Variants in MCHR2 observed in about 807,000 individuals in gnomAD.
The protein encoded by MCHR2 is melanin-concentrating hormone receptor 2.
A neutral mutation model predicts 24.8 loss-of-function variants in MCHR2; 15 were observed. The observed-to-expected ratio is 0.60, with a 90% CI of 0.40 to 0.93. The LOEUF (loss-of-function observed/expected upper bound fraction) is 0.93. MCHR2 is among the 40% of genes least tolerant of loss of function. The pLI is 0.00. For missense variants in MCHR2, 386 were observed against 408.7 expected, an observed-to-expected ratio of 0.94 and a Z score of 0.48; for synonymous variants, 151 against 147.6, an observed-to-expected ratio of 1.02 and a Z score of -0.17.
intron 4 of MCHR2, 41 bp from the exon 5 acceptor site, chr6:99,934,558 CA>C: frequency 2.0e-6 from 3 of 1,498,404 alleles, no homozygotes; most frequent in Non-Finnish European, 2.7e-6. Flanking sequence ...GAAAGAACAA[CA>C]CCATTACATT....
At chr6:99,941,897 T>G (rs1251624425) in intron 4 of MCHR2, among the ~76,000 whole-genome samples, 2 of 152,196 alleles carry the variant, frequency 1.3e-5, no homozygotes, top group African/African-American at 4.8e-5. Flanking sequence ...CCGCCATCTT[T>G]CTTTGGCTGT....
chr6:99,956,345 A>G (rs995763248), intron 1 of MCHR2, among the ~76,000 whole-genome samples, 171 bp from the exon 2 acceptor site: 1 of 152,130 alleles, frequency 6.6e-6, no homozygotes, highest in Non-Finnish European at 1.5e-5. Context: ...CTCACAGATT[A>G]CCACAAGAGA....
At chr6:99,974,347 T>C (rs1333624375) in intron 1 of MCHR2, among the ~76,000 whole-genome samples, 1 of 152,246 alleles carries the variant, frequency 6.6e-6, no homozygotes, top group African/African-American at 2.4e-5. Flanking sequence ...TCCAGTTGAT[T>C]GCATTGGCTC....
At chr6:99,983,851 C>T (rs1242477375) in intron 1 of MCHR2, among the ~76,000 whole-genome samples, 1 of 152,028 alleles carries the variant, frequency 6.6e-6, no homozygotes, top group African/African-American at 2.4e-5. Flanking sequence ...TTGGATATTC[C>T]ATTATAAGCC....
chr6:99,988,682 C>T (rs1775810379), intron 1 of MCHR2, among the ~76,000 whole-genome samples: 1 of 152,174 alleles, frequency 6.6e-6, no homozygotes, highest in African/African-American at 2.4e-5. Flanking sequence ...AACAACATTT[C>T]TCATAGGTAG....
At chr6:99,975,466 G>A (rs11155187) in intron 1 of MCHR2, among the ~76,000 whole-genome samples, 150,276 of 152,296 alleles carry the variant, frequency 0.99, 74,163 homozygotes, top group Middle Eastern at 1. Context: ...TCCAGGTATC[G>A]TCTGTCACCC....
intron 3 of MCHR2, among the ~76,000 whole-genome samples, chr6:99,944,349 T>C (rs1456810848): frequency 6.6e-6 from 1 of 152,168 alleles, no homozygotes; most frequent in African/African-American, 2.4e-5. Context: ...ACAGCTTTGC[T>C]GGGAGCTGGG....
At chr6:99,927,090 G>T (rs36161598) in intron 5 of MCHR2, among the ~76,000 whole-genome samples, 18,365 of 151,948 alleles carry the variant, frequency 0.12, 1,489 homozygotes, top group Non-Finnish European at 0.17. Flanking sequence ...TATTAAATAG[G>T]GAATCCTTTC....
chr6:99,975,439 T>TG (rs1349423859), intron 1 of MCHR2, among the ~76,000 whole-genome samples: 1 of 152,172 alleles, frequency 6.6e-6, no homozygotes, highest in Non-Finnish European at 1.5e-5. Context: ...AGTATTAGGG[T>TG]GGGGGTGACC....
chr6:99,946,220 C>T (rs1213864688), intron 3 of MCHR2, among the ~76,000 whole-genome samples: 2 of 152,100 alleles, frequency 1.3e-5, no homozygotes, highest in Non-Finnish European at 2.9e-5. Flanking sequence ...TTTCTCATGA[C>T]ACAGTCACAT....
intron 1 of MCHR2, among the ~76,000 whole-genome samples, chr6:99,975,141 C>A (rs2114577250): frequency 6.6e-6 from 1 of 152,334 alleles, no homozygotes; most frequent in East Asian, 1.9e-4. Flanking sequence ...TTACTGCTGT[C>A]TTTTTGTTTG....
chr6:99,955,823 T>C lies in MCHR2; in HGVS notation c.182+143A>G, dbSNP rs372316745. The C allele has an allele frequency of 3.8e-5, 26 of 684,024 alleles. No homozygotes were observed. In the South Asian group the frequency reaches 6.8e-4, roughly 18 times the overall value. 42.4% of individuals were successfully genotyped at this position (684,024 alleles called of 1,614,324 possible). On this transcript the variant is annotated intron_variant, in intron 2 of 5. Coordinates refer to ENST00000281806, the MANE Select transcript of MCHR2 (RefSeq NM_001040179.2). ...GCATGACGAAAATATCTGTAGAATC[T>C]TCATTAATTATCTTAAGCAAATATT...
chr6:99,950,703 C>T (rs528033950), intron 2 of MCHR2, among the ~76,000 whole-genome samples: 19 of 152,198 alleles, frequency 1.2e-4, no homozygotes, highest in African/African-American at 4.6e-4. Flanking sequence ...TTTGCAGGAA[C>T]AATATGTCAA....
At chr6:99,929,662 C>T (rs1774462620) in intron 5 of MCHR2, among the ~76,000 whole-genome samples, 1 of 151,860 alleles carries the variant, frequency 6.6e-6, no homozygotes, top group Non-Finnish European at 1.5e-5. Flanking sequence ...GATTGCAACC[C>T]CTGCCTTTTT....
At chr6:99,958,453 A>T (rs1775112957) in intron 1 of MCHR2, among the ~76,000 whole-genome samples, 1 of 152,168 alleles carries the variant, frequency 6.6e-6, no homozygotes, top group Non-Finnish European at 1.5e-5. Flanking sequence ...AAGTGAATAT[A>T]GAGTATCTTT....
rs1424073285 is a variant in MCHR2, at chr6:99,920,938, T to C, written c.*2A>G. ...TAGACTCATGGTGATCCATGTACTTTCCTAAAAGTGTGATTTCAGAGTGTT... is the reference window on the plus strand; with the variant it reads ...TAGACTCATGGTGATCCATGTACTTCCCTAAAAGTGTGATTTCAGAGTGTT... On this transcript the variant is annotated 3_prime_UTR_variant, in exon 6 of 6. Coordinates refer to ENST00000281806, the MANE Select transcript of MCHR2 (RefSeq NM_001040179.2). 1.9e-6 allele frequency: 3 copies of C among 1,613,456 alleles called. No individual in the cohort carries two copies. The highest frequency in any genetic ancestry group is 1.7e-4 in the Middle Eastern group (1 of 6,056).
At chr6:99,972,721 A>C (rs1775453667) in intron 1 of MCHR2, among the ~76,000 whole-genome samples, 1 of 151,582 alleles carries the variant, frequency 6.6e-6, no homozygotes. Flanking sequence ...TTCCCTCTAC[A>C]TACTGCTTTG....
At chr6:99,928,999 T>A (rs1196928233) in intron 5 of MCHR2, among the ~76,000 whole-genome samples, 7 of 152,188 alleles carry the variant, frequency 4.6e-5, no homozygotes, top group South Asian at 2.1e-4. Flanking sequence ...CCCTCTACAC[T>A]CTGCTTTGAA....
intron 4 of MCHR2, among the ~76,000 whole-genome samples, chr6:99,937,055 A>AT (rs1774676212): frequency 6.6e-6 from 1 of 151,872 alleles, no homozygotes; most frequent in Non-Finnish European, 1.5e-5. Flanking sequence ...TTATACATTC[A>AT]TTTTGTATCC....
Sources: gnomAD v4.1 joint callset for allele counts (sites outside exome capture counted in the v4.1 genomes callset) on GRCh38, gnomAD v4.1.1 for gene constraint, MANE v1.5 for transcripts, NCBI Gene and HGNC (gene_info 2026-07-23, HGNC 2026-07-21) for gene names.